Variants in ACSBG1 observed in about 807,000 individuals in gnomAD.
ACSBG1 encodes long-chain-fatty-acid--CoA ligase ACSBG1.
In ACSBG1, 39 loss-of-function variants were observed where a neutral mutation model predicts 80.2. The ratio of observed to expected loss-of-function variants is 0.49; its 90% CI spans 0.38 to 0.64. ACSBG1 has a LOEUF of 0.64. Among genes scored for constraint, ACSBG1 ranks in the 30% least tolerant of loss-of-function variants. The pLI is 0.00. For synonymous variants in ACSBG1, 392 were observed against 379.5 expected, an observed-to-expected ratio of 1.03 and a Z score of -0.38; for missense variants, 828 against 966.4, an observed-to-expected ratio of 0.86 and a Z score of 1.90.
chr15:78,169,047 C>A lies in ACSBG1; in HGVS notation c.*2397G>T. 8.1e-7 allele frequency: 1 copy of A among 1,235,598 alleles called. No homozygotes were observed. Among genetic ancestry groups the A allele is most frequent in the Non-Finnish European group, 1.2e-6 (1 of 842,912 alleles). 76.5% of individuals were successfully genotyped at this position (1,235,598 alleles called of 1,614,324 possible). On this transcript the variant is annotated 3_prime_UTR_variant, in exon 14 of 14. Coordinates refer to ENST00000258873, the MANE Select transcript of ACSBG1 (RefSeq NM_015162.5). ...ATTTACATCAGTCACTCTAAATGGA[C>A]ACCACATGAACCTCTGTTTAGAATA...
rs1384521659 is a variant in ACSBG1, at chr15:78,170,825, CAAAA to C, written c.*615_*618del. 6.6e-6 allele frequency: 1 copy of C among 152,382 alleles called. No homozygotes were observed. Among genetic ancestry groups the C allele is most frequent in the South Asian group, 2.1e-4 (1 of 4,828 alleles). The allele number at this position is 152,382 out of a possible 1,614,324, so 9.4% of individuals were successfully genotyped here. A position where few individuals can be genotyped will look rare whatever the true frequency, so the allele number is the denominator to read the frequency against. On this transcript the variant is annotated 3_prime_UTR_variant, in exon 14 of 14. Coordinates refer to ENST00000258873, the MANE Select transcript of ACSBG1 (RefSeq NM_015162.5). ...GCACTGGTCCCACCTGCTCAATTGA[CAAAA>C]AAAATCAGGTCCTTGTTGACAGTTC...
At chr15:78,207,928 A>ACCCCCC in intron 2 of ACSBG1, 74 bp downstream of exon 2, 1 of 383,788 alleles carries the variant, frequency 2.6e-6, no homozygotes, top group Non-Finnish European at 5.2e-6. Flanking sequence ...CCCCCACACC[A>ACCCCCC]CCCACCCCTC....
intron 2 of ACSBG1, among the ~76,000 whole-genome samples, chr15:78,199,041 C>A (rs1451218223): frequency 6.6e-6 from 1 of 152,132 alleles, no homozygotes; most frequent in Non-Finnish European, 1.5e-5. Flanking sequence ...CCCTTGGAGT[C>A]CACCTTTTGT....
intron 1 of ACSBG1, among the ~76,000 whole-genome samples, chr15:78,221,192 G>A (rs2075357014): frequency 6.6e-6 from 1 of 152,112 alleles, no homozygotes; most frequent in Non-Finnish European, 1.5e-5. Context: ...AGCATGTGAG[G>A]ACCTGCACCG....
chr15:78,211,783 C>T (rs2075269376), intron 1 of ACSBG1, among the ~76,000 whole-genome samples: 1 of 152,188 alleles, frequency 6.6e-6, no homozygotes, highest in Admixed American at 6.5e-5. Flanking sequence ...CATTTGCACA[C>T]AGAGCCTCCC....
chr15:78,208,635 C>A (rs903171859), intron 1 of ACSBG1, among the ~76,000 whole-genome samples: 1 of 152,202 alleles, frequency 6.6e-6, no homozygotes, highest in African/African-American at 2.4e-5. Context: ...GGCCTCCCCT[C>A]TTCCATGTGC....
At chr15:78,225,178 T>A (rs2075389616) in intron 1 of ACSBG1, among the ~76,000 whole-genome samples, 1 of 152,126 alleles carries the variant, frequency 6.6e-6, no homozygotes, top group Non-Finnish European at 1.5e-5. Flanking sequence ...GGCAGGTGGA[T>A]CACCTGAGGT....
intron 2 of ACSBG1, among the ~76,000 whole-genome samples, chr15:78,206,078 C>T (rs557395211): frequency 1.6e-4 from 25 of 152,330 alleles, no homozygotes; most frequent in Admixed American, 7.8e-4. Flanking sequence ...GCATGGCCCC[C>T]GAGCCAGGTC....
At chr15:78,220,346 A>G (rs1201582129) in intron 1 of ACSBG1, among the ~76,000 whole-genome samples, 1 of 152,270 alleles carries the variant, frequency 6.6e-6, no homozygotes, top group African/African-American at 2.4e-5. Context: ...TAAAAGATCT[A>G]AACCTAAATG....
intron 1 of ACSBG1, among the ~76,000 whole-genome samples, chr15:78,224,838 T>C (rs2075387317): frequency 6.6e-6 from 1 of 152,152 alleles, no homozygotes. Flanking sequence ...AATAAGGATT[T>C]CCACTCTTAT....
At chr15:78,217,324 T>A (rs1333020281) in intron 1 of ACSBG1, among the ~76,000 whole-genome samples, 1 of 152,188 alleles carries the variant, frequency 6.6e-6, no homozygotes, top group Non-Finnish European at 1.5e-5. Flanking sequence ...GAAACTGAGA[T>A]ACAGAGAAAT....
Position 78,195,022 on chromosome 15 carries a change from T to C in ACSBG1, c.233-296A>G, listed in dbSNP as rs144342130. Among the ~76,000 whole-genome samples the C allele has an allele frequency of 2.1e-3, 317 of 152,308 alleles. 2 individuals carry two copies. Among genetic ancestry groups the C allele is most frequent in the African/African-American group, 6.9e-3 (288 of 41,570 alleles). On this transcript the variant is annotated intron_variant, in intron 2 of 13. Coordinates refer to ENST00000258873, the MANE Select transcript of ACSBG1 (RefSeq NM_015162.5). Reference sequence around the variant, plus strand: ...CACTCTGTTCCTTCTTTTATCCCAATTGGAATTTGCCTCCCAAGGTTGGGC... The same window carrying C: ...CACTCTGTTCCTTCTTTTATCCCAACTGGAATTTGCCTCCCAAGGTTGGGC...
chr15:78,181,016 C>T, intron 8 of ACSBG1, 80 bp from the exon 9 acceptor site: 1 of 1,523,380 alleles, frequency 6.6e-7, no homozygotes, highest in Non-Finnish European at 8.9e-7. Context: ...GCCAGGCATG[C>T]CGGTGGCACA....
chr15:78,189,625 G>A (rs1038290763), intron 5 of ACSBG1, among the ~76,000 whole-genome samples: 1 of 148,898 alleles, frequency 6.7e-6, no homozygotes, highest in Non-Finnish European at 1.5e-5. Context: ...TGAACAATGG[G>A]AACACATGGA....
At chr15:78,230,927 A>C (rs2141395680) in intron 1 of ACSBG1, among the ~76,000 whole-genome samples, 1 of 152,310 alleles carries the variant, frequency 6.6e-6, no homozygotes, top group African/African-American at 2.4e-5. Flanking sequence ...AGAGAAGCAG[A>C]AAGGGGCATC....
At position 78,194,616 on chromosome 15, in the gene ACSBG1, T is replaced by C; in HGVS notation, c.343A>G (p.Lys115Glu). Residue 115 changes from lysine (K) to glutamate (E), a missense_variant, in exon 3 of 14, where the codon AAG (lysine) becomes GAG (glutamate). This residue lies in a region of ACSBG1 where 356 missense variants were observed against 363.5 expected (regional missense o/e 0.98). Coordinates refer to ENST00000258873, the MANE Select transcript of ACSBG1 (RefSeq NM_015162.5). ...CCCAAAGCGATGAGGTCCCCATACT[T>C]ATCCAGGGCCTCGTAGAACATCCGA... Reference protein sequence around the residue: ...VHRMFYEALDKYGDLIALGFK... With the variant: ...VHRMFYEALDEYGDLIALGFK... 1 of 1,614,262 alleles carries C rather than the reference T, an allele frequency of 6.2e-7. No individual in the cohort carries two copies. Among genetic ancestry groups the C allele is most frequent in the Non-Finnish European group, 8.5e-7 (1 of 1,180,050 alleles).
intron 1 of ACSBG1, among the ~76,000 whole-genome samples, chr15:78,217,357 TG>T (rs943014140): frequency 6.6e-6 from 1 of 152,156 alleles, no homozygotes; most frequent in Non-Finnish European, 1.5e-5. Context: ...CAAGGTCCTT[TG>T]GTTAGCAGAG....
At chr15:78,207,696 C>G (rs2075228353) in intron 2 of ACSBG1, 1 of 377,772 alleles carries the variant, frequency 2.6e-6, no homozygotes, top group Non-Finnish European at 4.9e-6. Flanking sequence ...GCTGGAGCCC[C>G]AAGTTCCCAA....
rs1295890296 is a variant in ACSBG1 at position 78,185,556 on chromosome 15, T to C, written c.664-2771A>G. 2.0e-5 allele frequency among the ~76,000 whole-genome samples: 3 copies of C among 152,324 alleles called. No homozygotes were observed. The East Asian group carries it at 5.8e-4, about 29-fold the overall frequency. On this transcript the variant is annotated intron_variant, in intron 5 of 13. Coordinates refer to ENST00000258873, the MANE Select transcript of ACSBG1 (RefSeq NM_015162.5). ...ATCAAAAAATCAAATATACATGTAA[T>C]TGGAGTCCCAGAAAATTTTTTTAAT...
Sources: allele counts gnomAD v4.1 joint callset (sites outside exome capture counted in the v4.1 genomes callset), GRCh38; gene constraint gnomAD v4.1.1; regional missense constraint gnomAD v4.1.1; transcripts MANE v1.5; gene names NCBI Gene and HGNC (gene_info 2026-07-23, HGNC 2026-07-21).